The following GLT8D2 variants were observed in gnomAD, a reference collection of about 807,000 sequenced individuals.
GLT8D2 encodes the protein glycosyltransferase 8 domain-containing protein 2.
GLT8D2 carries 45 observed loss-of-function variants against 44.5 expected under a neutral mutation model. The observed-to-expected ratio is 1.01, with a 90% CI of 0.80 to 1.30. The LOEUF (loss-of-function observed/expected upper bound fraction) is 1.30. Ranked by LOEUF, GLT8D2 falls within the 50% of genes most tolerant of loss-of-function variation. GLT8D2 has a pLI of 0.00. For synonymous variants in GLT8D2, 156 were observed against 157.2 expected, an observed-to-expected ratio of 0.99 and a Z score of 0.06; for missense variants, 400 against 430.4, an observed-to-expected ratio of 0.93 and a Z score of 0.62.
intron 1 of GLT8D2, among the ~76,000 whole-genome samples, chr12:104,037,110 A>G (rs1197471995): frequency 6.6e-6 from 1 of 152,246 alleles, no homozygotes; most frequent in Non-Finnish European, 1.5e-5. Flanking sequence ...GTTCTTTGAA[A>G]CCAATGAGAA....
chr12:104,004,879 T>C (rs1874763901), intron 4 of GLT8D2, among the ~76,000 whole-genome samples: 1 of 152,074 alleles, frequency 6.6e-6, no homozygotes, highest in Non-Finnish European at 1.5e-5. Context: ...TGGAAAAAAA[T>C]ACTTTAAAGT....
At position 104,015,079 on chromosome 12, in the gene GLT8D2, T is replaced by C; in HGVS notation, c.46A>G (p.Ile16Val). ...KINQVLLFLL[I>V]VTLCVILYKK... ...TACAGAATCACACAGAGGGTCACGA[T>C]CAGAAGGAACAGCAGCACCTGATTA... The change falls in exon 4 of 11, where the codon ATC becomes GTC. Residue 16 changes from isoleucine to valine, a missense_variant. Coordinates refer to ENST00000360814, the MANE Select transcript of GLT8D2 (RefSeq NM_001384711.1). 1.9e-6 allele frequency: 3 copies of C among 1,613,652 alleles called. No individual in the cohort carries two copies. The highest frequency in any genetic ancestry group is 4.5e-5 in the East Asian group (2 of 44,886).
intron 3 of GLT8D2, among the ~76,000 whole-genome samples, chr12:104,017,001 G>A (rs937827467): frequency 6.6e-6 from 1 of 152,190 alleles, no homozygotes; most frequent in African/African-American, 2.4e-5. Context: ...TGGCCCTTGA[G>A]ATCTGTTGAG....
chr12:104,006,715 A>G (rs995950270), intron 4 of GLT8D2, among the ~76,000 whole-genome samples: 4 of 152,244 alleles, frequency 2.6e-5, no homozygotes, highest in African/African-American at 9.6e-5. Context: ...TAGACGATTT[A>G]CAAGAAAAAG....
At chr12:104,058,399 C>T (rs922753206) in intron 1 of GLT8D2, among the ~76,000 whole-genome samples, 1 of 152,108 alleles carries the variant, frequency 6.6e-6, no homozygotes, top group African/African-American at 2.4e-5. Flanking sequence ...ATGTCTCATC[C>T]TCATATTTGA....
intron 4 of GLT8D2, among the ~76,000 whole-genome samples, chr12:104,008,452 A>G (rs1285205726): frequency 6.6e-6 from 1 of 152,224 alleles, no homozygotes; most frequent in Non-Finnish European, 1.5e-5. Flanking sequence ...CTAAGCAGCA[A>G]AGCATTCAAG....
chr12:104,029,342 C>T (rs1878962745), intron 1 of GLT8D2, among the ~76,000 whole-genome samples: 1 of 152,130 alleles, frequency 6.6e-6, no homozygotes, highest in African/African-American at 2.4e-5. Context: ...TTAAAAAGAG[C>T]TACAAAGTTT....
chr12:104,019,519 C>T (rs1336108506), intron 3 of GLT8D2, 111 bp downstream of exon 3: 12 of 825,664 alleles, frequency 1.5e-5, no homozygotes, highest in Non-Finnish European at 2.1e-5. Flanking sequence ...GGAAAACTAT[C>T]CATGAAAATC....
At chr12:104,031,232 T>G (rs543646306) in intron 1 of GLT8D2, 1 of 1,611,396 alleles carries the variant, frequency 6.2e-7, no homozygotes, top group African/African-American at 1.4e-5. Context: ...TCAGCTACCC[T>G]CCTGTGAGAG....
chr12:104,023,053 T>G (rs1593552092), intron 1 of GLT8D2, among the ~76,000 whole-genome samples: 1 of 152,338 alleles, frequency 6.6e-6, no homozygotes, highest in East Asian at 1.9e-4. Flanking sequence ...TGATACATGT[T>G]GACAAGCAAA....
intron 8 of GLT8D2, among the ~76,000 whole-genome samples, chr12:103,995,014 C>T (rs56772245): frequency 0.032 from 4,936 of 152,136 alleles, 295 homozygotes; most frequent in African/African-American, 0.11. Context: ...CCTTTTTTCT[C>T]ACTCTCTTCT....
At chr12:104,030,324 A>C (rs1046184932) in intron 1 of GLT8D2, among the ~76,000 whole-genome samples, 1 of 152,120 alleles carries the variant, frequency 6.6e-6, no homozygotes, top group Non-Finnish European at 1.5e-5. Flanking sequence ...GATCTTTATC[A>C]TACACAAAAC....
intron 1 of GLT8D2, among the ~76,000 whole-genome samples, chr12:104,044,753 T>C (rs1355161365): frequency 2.0e-5 from 3 of 152,266 alleles, no homozygotes; most frequent in African/African-American, 7.2e-5. Flanking sequence ...GATAATCATA[T>C]CAAGTTCATT....
chr12:104,052,676 G>A (rs1224293702), upstream of GLT8D2, among the ~76,000 whole-genome samples: 1 of 152,130 alleles, frequency 6.6e-6, no homozygotes, highest in Non-Finnish European at 1.5e-5. Flanking sequence ...ACACAATCCA[G>A]CAGGTGTGTC....
At chr12:104,025,681 T>A (rs1878488107) in intron 1 of GLT8D2, among the ~76,000 whole-genome samples, 1 of 152,246 alleles carries the variant, frequency 6.6e-6, no homozygotes, top group East Asian at 1.9e-4. Flanking sequence ...TTAAACTTAA[T>A]CTTTTAGCAT....
chr12:104,036,784 CTT>C (rs1292067967), intron 1 of GLT8D2, among the ~76,000 whole-genome samples: 5 of 152,186 alleles, frequency 3.3e-5, no homozygotes, highest in African/African-American at 1.2e-4. Flanking sequence ...ATATCCAAGA[CTT>C]GAGCTCAGCT....
Position 104,015,093 on chromosome 12 carries a change from A to G in GLT8D2, c.32T>C (p.Leu11Pro). The G allele has an allele frequency of 6.2e-7, 1 of 1,612,904 alleles. No homozygotes were observed. Among genetic ancestry groups the G allele is most frequent in the Non-Finnish European group, 8.5e-7 (1 of 1,178,976 alleles). ...GAGGGTCACGATCAGAAGGAACAGCAGCACCTGATTAACTGAAATAGAAAT... is the reference window on the plus strand; with the variant it reads ...GAGGGTCACGATCAGAAGGAACAGCGGCACCTGATTAACTGAAATAGAAAT... MALLRKINQV[L>P]LFLLIVTLCV... The change falls in exon 4 of 11, where the codon CTG (leucine) becomes CCG (proline). Residue 11 changes from leucine (L) to proline (P), a missense_variant. Transcript: ENST00000360814.
At chr12:104,012,679 A>T in intron 4 of GLT8D2, 1 of 600,810 alleles carries the variant, frequency 1.7e-6, no homozygotes, top group Non-Finnish European at 2.9e-6. Context: ...AGATACTGCT[A>T]TGGACTGAAT....
intron 1 of GLT8D2, among the ~76,000 whole-genome samples, chr12:104,027,505 TGTTTTGAAATGAGGTTCA>T (rs1878723812): frequency 6.6e-6 from 1 of 152,244 alleles, no homozygotes; most frequent in Non-Finnish European, 1.5e-5. Context: ...TTCCTTAAAC[TGTTTTGAAATGAGGTTCA>T]GTTTCTTACA....
Sources: gnomAD v4.1 joint callset for allele counts (sites outside exome capture counted in the v4.1 genomes callset) on GRCh38, gnomAD v4.1.1 for gene constraint, MANE v1.5 for transcripts, NCBI Gene and HGNC (gene_info 2026-07-23, HGNC 2026-07-21) for gene names.